RAD51B: variants seen among roughly 807,000 people sequenced by gnomAD.
The protein encoded by RAD51B is RAD51 paralog B.
In RAD51B, 38 loss-of-function variants were observed where a neutral mutation model predicts 42.2. That is an observed-to-expected ratio of 0.90 (90% CI 0.70 to 1.18). The LOEUF (loss-of-function observed/expected upper bound fraction) is 1.18, where lower values mean the gene tolerates loss of function less well. Among genes scored for constraint, RAD51B ranks in the 50% most tolerant of loss-of-function variants. The pLI is 0.00. For missense variants in RAD51B, 373 were observed against 400.7 expected (o/e 0.93, Z 0.59); for synonymous variants, 154 against 145.2 (o/e 1.06, Z -0.43).
chr14:68,513,532 G>C (rs878913073), intron 10 of RAD51B, among the ~76,000 whole-genome samples: 1 of 152,198 alleles, frequency 6.6e-6, no homozygotes, highest in African/African-American at 2.4e-5. Context: ...AGACACATTC[G>C]GAAGAAGCAG....
chr14:68,225,221 T>C (rs1228490534), intron 7 of RAD51B, among the ~76,000 whole-genome samples: 1 of 152,224 alleles, frequency 6.6e-6, no homozygotes, highest in Admixed American at 6.5e-5. Flanking sequence ...CACTGAATTA[T>C]TTGCACTAAT....
At chr14:68,059,923 A>G (rs770650787) in intron 7 of RAD51B, among the ~76,000 whole-genome samples, 3 of 152,192 alleles carry the variant, frequency 2.0e-5, no homozygotes, top group Non-Finnish European at 4.4e-5. Context: ...TACAGTTTTT[A>G]GAATGCTTTA....
Position 68,366,764 on chromosome 14 carries a change from T to A in RAD51B, c.854-44660T>A, listed in dbSNP as rs983681312. Among the ~76,000 whole-genome samples the A allele has an allele frequency of 2.6e-5, 4 of 152,242 alleles. No individual in the cohort carries two copies. In the East Asian group the frequency reaches 7.7e-4, roughly 29 times the overall value. ...CTAGTTTAATGCTCTCAAGAGGTTC[T>A]TATGTTGCTCGCATTAGTGGGCATG... On this transcript the variant is annotated intron_variant, in intron 8 of 10. Coordinates refer to ENST00000471583, the MANE Select transcript of RAD51B (RefSeq NM_133510.4).
chr14:68,287,193 T>C (rs1169383642), intron 7 of RAD51B, among the ~76,000 whole-genome samples: 5 of 152,338 alleles, frequency 3.3e-5, no homozygotes, highest in African/African-American at 1.2e-4. Flanking sequence ...CTATACCCCG[T>C]ATTTCTTTTT....
At chr14:67,969,364 C>G (rs1187215638) in intron 7 of RAD51B, among the ~76,000 whole-genome samples, 1 of 152,172 alleles carries the variant, frequency 6.6e-6, no homozygotes, top group Non-Finnish European at 1.5e-5. Context: ...CATTAACACT[C>G]TCTCTCCTTT....
intron 8 of RAD51B, among the ~76,000 whole-genome samples, chr14:68,366,545 A>C (rs1404515928): frequency 6.6e-6 from 1 of 152,246 alleles, no homozygotes; most frequent in Non-Finnish European, 1.5e-5. Context: ...CCTGGACTAA[A>C]GCAGCCTTGA....
chr14:68,552,572 A>G (rs1044197285), intron 10 of RAD51B, among the ~76,000 whole-genome samples: 1 of 152,216 alleles, frequency 6.6e-6, no homozygotes, highest in African/African-American at 2.4e-5. Context: ...CCATTACCAA[A>G]TAGTTCCCAT....
At chr14:68,534,748 A>AC (rs1223229910) in intron 10 of RAD51B, among the ~76,000 whole-genome samples, 4 of 149,858 alleles carry the variant, frequency 2.7e-5, no homozygotes, top group South Asian at 2.2e-4. Context: ...TCCCGCTCCC[A>AC]CCCCCCCTAG....
At chr14:68,524,569 A>G (rs2842338) in intron 10 of RAD51B, among the ~76,000 whole-genome samples, 32,489 of 152,068 alleles carry the variant, frequency 0.21, 4,205 homozygotes, top group South Asian at 0.31. Flanking sequence ...TCCGAGATGC[A>G]TGATGAAGGA....
intron 7 of RAD51B, among the ~76,000 whole-genome samples, chr14:68,276,504 ATAAT>A (rs965262942): frequency 3.9e-5 from 6 of 152,152 alleles, no homozygotes; most frequent in Admixed American, 2.0e-4. Flanking sequence ...TTTAATTTTA[ATAAT>A]TAATTACTTG....
intron 11 of RAD51B, among the ~76,000 whole-genome samples, chr14:68,660,151 G>C (rs1892903643): frequency 6.6e-6 from 1 of 152,178 alleles, no homozygotes; most frequent in African/African-American, 2.4e-5. Context: ...ATCTAAAGGG[G>C]GCACCACCAC....
chr14:68,636,843 G>A (rs4902621), intron 10 of RAD51B, among the ~76,000 whole-genome samples: 5 of 152,064 alleles, frequency 3.3e-5, no homozygotes, highest in Non-Finnish European at 5.9e-5. Flanking sequence ...GCAGGAGGAC[G>A]GCGGCCCCAA....
At chr14:67,874,584 A>G (rs1191218580) in intron 5 of RAD51B, among the ~76,000 whole-genome samples, 1 of 152,132 alleles carries the variant, frequency 6.6e-6, no homozygotes, top group African/African-American at 2.4e-5. Context: ...AGTTACAGGG[A>G]CTGCCTTGGG....
chr14:68,451,312 A>G (rs1013594901), intron 9 of RAD51B, among the ~76,000 whole-genome samples: 1 of 152,222 alleles, frequency 6.6e-6, no homozygotes, highest in Admixed American at 6.5e-5. Context: ...ATTTCTATGA[A>G]TTAAAGATAC....
intron 7 of RAD51B, among the ~76,000 whole-genome samples, chr14:68,026,582 C>A (rs957035603): frequency 6.6e-6 from 1 of 151,492 alleles, no homozygotes; most frequent in Non-Finnish European, 1.5e-5. Context: ...TTGATGTGTA[C>A]CCTTTATCAT....
intron 7 of RAD51B, among the ~76,000 whole-genome samples, chr14:68,061,724 C>G (rs901085221): frequency 6.6e-6 from 1 of 151,968 alleles, no homozygotes; most frequent in Non-Finnish European, 1.5e-5. Context: ...AGAAACACTC[C>G]TGAGTTTCGT....
At chr14:68,573,747 G>C (rs1221353519) in intron 10 of RAD51B, among the ~76,000 whole-genome samples, 2 of 152,154 alleles carry the variant, frequency 1.3e-5, no homozygotes, top group African/African-American at 2.4e-5. Flanking sequence ...GGAGCCTAAG[G>C]TTCTGGGAGG....
Position 67,887,329 on chromosome 14 carries a change from GT to G in RAD51B, c.756+126del, listed in dbSNP as rs2043091948. 5.1e-6 allele frequency: 4 copies of G among 788,912 alleles called. No individual in the cohort carries two copies. The South Asian group carries it at 8.2e-5, about 16-fold the overall frequency. The allele number at this position is 788,912 out of a possible 1,614,324, so 48.9% of individuals were successfully genotyped here. On this transcript the variant is annotated intron_variant, in intron 7 of 10. Transcript: ENST00000471583. ...ATGTAAAACAGATGACTTTTTAAAG[GT>G]AGTACAGTCTAATTGCTATAGCAAA...
At chr14:68,293,848 T>C (rs923627202) in intron 8 of RAD51B, among the ~76,000 whole-genome samples, 1 of 152,236 alleles carries the variant, frequency 6.6e-6, no homozygotes, top group African/African-American at 2.4e-5. Flanking sequence ...TGTCATATTC[T>C]TTTTGTATCC....
Sources: gnomAD v4.1 joint callset for allele counts (sites outside exome capture counted in the v4.1 genomes callset) on GRCh38, gnomAD v4.1.1 for gene constraint, MANE v1.5 for transcripts, NCBI Gene and HGNC (gene_info 2026-07-23, HGNC 2026-07-21) for gene names.